The following PLEKHG7 variants were observed in gnomAD, a reference collection of about 807,000 sequenced individuals.
PLEKHG7 encodes the protein pleckstrin homology and RhoGEF domain containing G7, also known as pleckstrin homology domain-containing family G member 7.
In PLEKHG7, 77 loss-of-function variants were observed where a neutral mutation model predicts 85.2. That is an observed-to-expected ratio of 0.90 (90% confidence interval 0.75 to 1.09). PLEKHG7 has a LOEUF of 1.09. PLEKHG7 is among the 50% of genes least tolerant of loss of function. The pLI is 0.00. For synonymous variants in PLEKHG7, 301 were observed against 302.4 expected (o/e 1.00, Z 0.05); for missense variants, 777 against 804.3 (o/e 0.97, Z 0.41).
intron 3 of PLEKHG7, among the ~76,000 whole-genome samples, chr12:92,714,266 G>A (rs1871423470): frequency 6.6e-6 from 1 of 152,214 alleles, no homozygotes; most frequent in South Asian, 2.1e-4. Flanking sequence ...AAAGGCTGAT[G>A]GCAGCATGGG....
At chr12:92,707,458 T>C in intron 2 of PLEKHG7, 192 bp from the exon 3 acceptor site, 1 of 1,441,066 alleles carries the variant, frequency 6.9e-7, no homozygotes, top group Admixed American at 2.8e-5. Flanking sequence ...AAATGCACAC[T>C]ATTTAAAGAC....
At chr12:92,737,584 T>A (rs1872196879) in intron 7 of PLEKHG7, 63 bp downstream of exon 7, 1 of 1,462,028 alleles carries the variant, frequency 6.8e-7, no homozygotes, top group Non-Finnish European at 9.4e-7. Context: ...TGGGCACTTG[T>A]TTTCCTCTTC....
intron 10 of PLEKHG7, among the ~76,000 whole-genome samples, chr12:92,750,373 C>A (rs1229645088): frequency 6.6e-6 from 1 of 152,202 alleles, no homozygotes; most frequent in Admixed American, 6.5e-5. Context: ...TCAAGCCATT[C>A]TTTTTGTCTC....
chr12:92,741,407 A>C, intron 8 of PLEKHG7, 84 bp from the exon 9 acceptor site: 1 of 800,114 alleles, frequency 1.2e-6, no homozygotes, highest in Non-Finnish European at 1.9e-6. Context: ...AACACCTGTA[A>C]GAATGATACT....
chr12:92,727,804 T>C (rs1439711766), intron 3 of PLEKHG7, among the ~76,000 whole-genome samples: 1 of 151,878 alleles, frequency 6.6e-6, no homozygotes, highest in Non-Finnish European at 1.5e-5. Context: ...TTGGTCAGGC[T>C]AGTCTCGAAC....
intron 3 of PLEKHG7, chr12:92,708,537 A>T (rs1266544664): frequency 6.6e-6 from 1 of 152,224 alleles, no homozygotes; most frequent in East Asian, 1.9e-4. Context: ...ATAAAAAACC[A>T]CTTAAAGTAA....
At chr12:92,726,145 G>C (rs1434354399) in intron 3 of PLEKHG7, among the ~76,000 whole-genome samples, 1 of 152,224 alleles carries the variant, frequency 6.6e-6, no homozygotes, top group Non-Finnish European at 1.5e-5. Flanking sequence ...AGTGCAGGCA[G>C]AAAGGCTGAC....
chr12:92,756,741 A>C (rs1872846300), intron 13 of PLEKHG7, among the ~76,000 whole-genome samples: 1 of 152,276 alleles, frequency 6.6e-6, no homozygotes, highest in South Asian at 2.1e-4. Flanking sequence ...TGAGCCAGAC[A>C]ATCAAGCTCT....
intron 9 of PLEKHG7, among the ~76,000 whole-genome samples, chr12:92,742,621 T>A (rs866927453): frequency 2.5e-4 from 37 of 150,642 alleles, no homozygotes; most frequent in Middle Eastern, 3.4e-3. Context: ...AGTCTCACTC[T>A]GTTGCCCAGG....
At chr12:92,755,797 A>C (rs1467915476) in intron 11 of PLEKHG7, 28 bp from the exon 12 acceptor site, 15 of 1,477,498 alleles carry the variant, frequency 1.0e-5, no homozygotes, top group Non-Finnish European at 1.4e-5. Flanking sequence ...TGCACCTAAA[A>C]ATATACTGAC....
intron 5 of PLEKHG7, among the ~76,000 whole-genome samples, chr12:92,735,334 C>T (rs1333404784): frequency 6.6e-6 from 1 of 152,156 alleles, no homozygotes; most frequent in Non-Finnish European, 1.5e-5. Context: ...CTTTCAGTGC[C>T]ATAACCCTAC....
chr12:92,715,716 C>CAAAAAAA (rs11331072), intron 3 of PLEKHG7, among the ~76,000 whole-genome samples: 18 of 87,442 alleles, frequency 2.1e-4, no homozygotes, highest in African/African-American at 7.0e-4. Flanking sequence ...GTTCTTGCCT[C>CAAAAAAA]AAAAAAAAAA....
chr12:92,764,777 C>A (rs1873141814), intron 15 of PLEKHG7, among the ~76,000 whole-genome samples: 1 of 152,076 alleles, frequency 6.6e-6, no homozygotes, highest in African/African-American at 2.4e-5. Context: ...AGGAACTCAG[C>A]AGGCCCTACA....
intron 14 of PLEKHG7, among the ~76,000 whole-genome samples, chr12:92,763,110 G>A (rs555436928): frequency 2.6e-5 from 4 of 152,296 alleles, no homozygotes; most frequent in Non-Finnish European, 4.4e-5. Context: ...GGCAGCCCAT[G>A]TTGATAATAT....
Position 92,706,516 on chromosome 12 carries a change from T to C in PLEKHG7, c.-116T>C. The C allele has an allele frequency of 1.5e-6, 2 of 1,293,440 alleles. No homozygotes were observed. Among genetic ancestry groups the C allele is most frequent in the Non-Finnish European group, 2.1e-6 (2 of 952,094 alleles). 80.1% of individuals were successfully genotyped at this position (1,293,440 alleles called of 1,614,324 possible). Reference sequence around the variant, plus strand: ...TTCTCCTCTGGAAAAGGAAAAGAACTACGAGAGGAAGCATGGCACTTGGAT... The same window carrying C: ...TTCTCCTCTGGAAAAGGAAAAGAACCACGAGAGGAAGCATGGCACTTGGAT... On this transcript the variant is annotated 5_prime_UTR_variant, in exon 2 of 17. Coordinates refer to ENST00000344636, the MANE Select transcript of PLEKHG7 (RefSeq NM_001377329.1).
rs1456545895 is a variant in PLEKHG7 at position 92,761,606 on chromosome 12, AAAAAGAAAGAAAGAAAGAAG to A, written c.1637-142_1637-123del. 4.9e-6 allele frequency: 5 copies of A among 1,019,078 alleles called. No homozygotes were observed. In the African/African-American group the frequency reaches 9.3e-5, roughly 19 times the overall value. The allele number at this position is 1,019,078 out of a possible 1,614,324, so 63.1% of individuals were successfully genotyped here. On this transcript the variant is annotated intron_variant, in intron 13 of 16. Coordinates refer to ENST00000344636, the MANE Select transcript of PLEKHG7 (RefSeq NM_001377329.1). ...AAAGAGAGAATGAAAAGAAAGAAAGAAAAAGAAAGAAAGAAAGAAGAAAGAAAGAAAGAAAGAAAGAAAGA... is the reference window on the plus strand; with the variant it reads ...AAAGAGAGAATGAAAAGAAAGAAAGAAAAGAAAGAAAGAAAGAAAGAAAGA...
intron 15 of PLEKHG7, among the ~76,000 whole-genome samples, chr12:92,768,473 CT>C (rs1555196959): frequency 1.3e-5 from 2 of 152,106 alleles, no homozygotes; most frequent in Non-Finnish European, 2.9e-5. Context: ...TGGTTTTTGG[CT>C]TTTCTTGGCC....
intron 3 of PLEKHG7, among the ~76,000 whole-genome samples, chr12:92,719,668 G>A (rs972999221): frequency 2.0e-5 from 3 of 152,132 alleles, no homozygotes; most frequent in Non-Finnish European, 2.9e-5. Flanking sequence ...TCTAGCCTTT[G>A]TTATTATTTT....
chr12:92,731,564 C>T (rs982040429), intron 4 of PLEKHG7, among the ~76,000 whole-genome samples: 6 of 152,322 alleles, frequency 3.9e-5, no homozygotes, highest in Non-Finnish European at 5.9e-5. Flanking sequence ...CAACTTTATG[C>T]AAACAGCATA....
Sources: allele counts gnomAD v4.1 joint callset (sites outside exome capture counted in the v4.1 genomes callset), GRCh38; gene constraint gnomAD v4.1.1; transcripts MANE v1.5; gene names NCBI Gene and HGNC (gene_info 2026-07-23, HGNC 2026-07-21).